The following TCAIM variants were observed in gnomAD, a reference collection of about 807,000 sequenced individuals.
TCAIM encodes the protein T cell activation inhibitor, mitochondrial, also known as T-cell activation inhibitor, mitochondrial.
A neutral mutation model predicts 58.6 loss-of-function variants in TCAIM; 36 were observed. That is an observed-to-expected ratio of 0.61 (90% confidence interval 0.47 to 0.81). The LOEUF (loss-of-function observed/expected upper bound fraction) is 0.81, where lower values mean the gene tolerates loss of function less well. Among genes scored for constraint, TCAIM ranks in the 30% least tolerant of loss-of-function variants. The pLI is 0.00. For missense variants in TCAIM, 466 were observed against 579.6 expected, an observed-to-expected ratio of 0.80 and a Z score of 2.01; for synonymous variants, 172 against 193.6, an observed-to-expected ratio of 0.89 and a Z score of 0.93.
At chr3:44,361,868 T>G (rs912593416) in intron 4 of TCAIM, among the ~76,000 whole-genome samples, 1 of 152,208 alleles carries the variant, frequency 6.6e-6, no homozygotes, top group African/African-American at 2.4e-5. Context: ...CTGGTAGTAC[T>G]TACCCAATTG....
At chr3:44,367,799 A>AT (rs1010985335) in intron 5 of TCAIM, 91 bp downstream of exon 5, 22 of 1,297,468 alleles carry the variant, frequency 1.7e-5, no homozygotes, top group Non-Finnish European at 2.3e-5. Context: ...TTTTTTATAA[A>AT]TAAAAAGTGT....
At chr3:44,370,750 C>CTTTTT (rs60626140) in intron 5 of TCAIM, among the ~76,000 whole-genome samples, 2 of 73,030 alleles carry the variant, frequency 2.7e-5, no homozygotes, top group African/African-American at 4.2e-5. Flanking sequence ...TTCTTTCTTT[C>CTTTTT]TTTCTTTTTT....
intron 5 of TCAIM, among the ~76,000 whole-genome samples, chr3:44,389,097 CT>C (rs1333775529): frequency 2.6e-5 from 4 of 152,336 alleles, no homozygotes; most frequent in African/African-American, 9.6e-5. Flanking sequence ...CGAGACCAGC[CT>C]GGCCAATATG....
At chr3:44,406,691 A>G (rs1387760518) in intron 10 of TCAIM, among the ~76,000 whole-genome samples, 1 of 152,224 alleles carries the variant, frequency 6.6e-6, no homozygotes, top group Admixed American at 6.5e-5. Flanking sequence ...AGTATTTTAA[A>G]TAGACTGGTT....
At chr3:44,354,386 A>G (rs929228273) in intron 1 of TCAIM, among the ~76,000 whole-genome samples, 1 of 151,986 alleles carries the variant, frequency 6.6e-6, no homozygotes, top group Non-Finnish European at 1.5e-5. Context: ...TGAGTTGGCT[A>G]CTCTCTGGGT....
intron 5 of TCAIM, among the ~76,000 whole-genome samples, chr3:44,378,138 T>C (rs1041983127): frequency 2.6e-5 from 4 of 152,048 alleles, no homozygotes; most frequent in African/African-American, 9.7e-5. Context: ...CCCAGCACTT[T>C]GGGAGGCTGA....
intron 5 of TCAIM, among the ~76,000 whole-genome samples, chr3:44,390,196 A>G (rs924931001): frequency 6.6e-6 from 1 of 152,228 alleles, no homozygotes; most frequent in Non-Finnish European, 1.5e-5. Flanking sequence ...TGTTTAATAG[A>G]TGCATAATGA....
chr3:44,389,875 C>G (rs781123545), intron 5 of TCAIM, among the ~76,000 whole-genome samples: 4 of 152,218 alleles, frequency 2.6e-5, no homozygotes, highest in Middle Eastern at 6.8e-3. Flanking sequence ...ATGCCCTTCT[C>G]TCCCTCTAAG....
intron 9 of TCAIM, 109 bp downstream of exon 9, chr3:44,400,696 A>G (rs1212864943): frequency 1.0e-6 from 1 of 954,610 alleles, no homozygotes; most frequent in African/African-American, 1.7e-5. Context: ...TAGGAATTAA[A>G]GAAAAAAATG....
intron 5 of TCAIM, among the ~76,000 whole-genome samples, chr3:44,392,137 A>ATTT (rs1701848254): frequency 6.6e-6 from 1 of 152,150 alleles, no homozygotes; most frequent in Admixed American, 6.5e-5. Context: ...TTAAAATTTA[A>ATTT]TTTTTTAATA....
At chr3:44,365,310 G>GGT (rs1701356320) in intron 4 of TCAIM, among the ~76,000 whole-genome samples, 1 of 152,012 alleles carries the variant, frequency 6.6e-6, no homozygotes, top group Admixed American at 6.6e-5. Flanking sequence ...TTTAAAGTGT[G>GGT]GTGTCTGTCA....
chr3:44,396,426 AC>A lies in TCAIM; in HGVS notation c.724del (p.Arg242AlafsTer8), dbSNP rs1217908730. 1 of 1,613,598 alleles carries A rather than the reference AC, an allele frequency of 6.2e-7. No homozygotes were observed. Among genetic ancestry groups the A allele is most frequent in the Non-Finnish European group, 8.5e-7 (1 of 1,179,926 alleles). ...IRWQRSWGIA[H>X]RCSQLHSLSR... ...TGGCAGAGGAGCTGGGGCATCGCCCACCGCTGTAGCCAGCTGCATAGTTTAA... is the reference window on the plus strand; with the variant it reads ...TGGCAGAGGAGCTGGGGCATCGCCCACGCTGTAGCCAGCTGCATAGTTTAA... On this transcript the variant is annotated frameshift_variant, in exon 7 of 11. Coordinates refer to ENST00000342649, the MANE Select transcript of TCAIM (RefSeq NM_173826.4). LOFTEE classifies it high-confidence loss of function.
At chr3:44,369,799 AATCC>A (rs1275029840) in intron 5 of TCAIM, among the ~76,000 whole-genome samples, 1 of 152,244 alleles carries the variant, frequency 6.6e-6, no homozygotes, top group Non-Finnish European at 1.5e-5. Flanking sequence ...AGATTCATAG[AATCC>A]ATCCAGTATT....
chr3:44,386,761 G>A (rs949876642), intron 5 of TCAIM, among the ~76,000 whole-genome samples: 3 of 152,268 alleles, frequency 2.0e-5, no homozygotes, highest in Non-Finnish European at 4.4e-5. Flanking sequence ...AGGGAGGCAT[G>A]GTGAGGGTGG....
chr3:44,372,376 G>A (rs1701492224), intron 5 of TCAIM, among the ~76,000 whole-genome samples: 1 of 152,046 alleles, frequency 6.6e-6, no homozygotes, highest in African/African-American at 2.4e-5. Context: ...AAACCTATTA[G>A]CCATCATGGT....
intron 1 of TCAIM, among the ~76,000 whole-genome samples, chr3:44,346,798 A>G (rs980811617): frequency 5.9e-5 from 9 of 152,216 alleles, no homozygotes; most frequent in Admixed American, 3.3e-4. Flanking sequence ...GAAAGGCTAC[A>G]GGGCGCAGTC....
intron 10 of TCAIM, among the ~76,000 whole-genome samples, chr3:44,404,789 AG>A (rs1702072936): frequency 7.0e-6 from 1 of 142,550 alleles, no homozygotes; most frequent in South Asian, 2.6e-4. Flanking sequence ...TTGGTGCAAA[AG>A]TAATTGCAGT....
intron 5 of TCAIM, among the ~76,000 whole-genome samples, chr3:44,378,889 TTGCTCACACCTG>T (rs1296206218): frequency 6.6e-6 from 1 of 151,986 alleles, no homozygotes; most frequent in Non-Finnish European, 1.5e-5. Flanking sequence ...CCAGGCACAG[TTGCTCACACCTG>T]TAATCCCAGC....
intron 2 of TCAIM, among the ~76,000 whole-genome samples, chr3:44,355,659 T>TTA (rs1377182483): frequency 6.6e-6 from 1 of 152,212 alleles, no homozygotes; most frequent in African/African-American, 2.4e-5. Context: ...AAGACTTTAC[T>TTA]AACTGATAGT....
Sources: gnomAD v4.1 joint callset for allele counts (sites outside exome capture counted in the v4.1 genomes callset) on GRCh38, gnomAD v4.1.1 for gene constraint, MANE v1.5 for transcripts, NCBI Gene and HGNC (gene_info 2026-07-23, HGNC 2026-07-21) for gene names.